TRIM24: variants seen among roughly 807,000 people sequenced by gnomAD.
TRIM24 encodes transcription intermediary factor 1-alpha.
Under a neutral mutation model 123.9 loss-of-function variants are expected in TRIM24, and 29 were observed. That is an observed-to-expected ratio of 0.23 (90% CI 0.17 to 0.32). The LOEUF is 0.32. Ranked by LOEUF, TRIM24 falls within the 10% of genes least tolerant of loss-of-function variation. TRIM24 has a pLI of 1.00. For missense variants in TRIM24, 932 were observed against 1,295.3 expected (o/e 0.72, Z 4.31); for synonymous variants, 456 against 461.1 (o/e 0.99, Z 0.14).
At chr7:138,510,084 C>T (rs1001362418) in intron 2 of TRIM24, among the ~76,000 whole-genome samples, 1 of 152,194 alleles carries the variant, frequency 6.6e-6, no homozygotes, top group African/African-American at 2.4e-5. Context: ...GGAACTGCTG[C>T]ACCTGGGATG....
At chr7:138,553,934 C>T (rs900080236) in intron 8 of TRIM24, among the ~76,000 whole-genome samples, 3 of 152,140 alleles carry the variant, frequency 2.0e-5, no homozygotes, top group Non-Finnish European at 4.4e-5. Context: ...AACTTACATA[C>T]AGGACAGTCC....
Position 138,504,310 on chromosome 7 carries a change from G to T in TRIM24, c.385G>T (p.Val129Phe). The change falls in exon 2 of 19, where the codon GTT becomes TTT. Residue 129 changes from valine to phenylalanine, a missense_variant. Val to Phe is a conservative substitution (Grantham distance 50). Transcript: ENST00000343526. Reference sequence around the variant, plus strand: ...CCCAGTTGGAGTCATTCGTTGCCCAGTTTGCAGCCAAGAATGTGCAGAGAG... The same window carrying T: ...CCCAGTTGGAGTCATTCGTTGCCCATTTTGCAGCCAAGAATGTGCAGAGAG... ...ATQVGVIRCP[V>F]CSQECAERHI... 2.5e-6 allele frequency: 4 copies of T among 1,591,624 alleles called. No homozygotes were observed. The highest frequency in any genetic ancestry group is 3.4e-6 in the Non-Finnish European group (4 of 1,172,058).
At chr7:138,516,806 C>A (rs1796405709) in intron 3 of TRIM24, among the ~76,000 whole-genome samples, 1 of 142,876 alleles carries the variant, frequency 7.0e-6, no homozygotes, top group East Asian at 2.1e-4. Flanking sequence ...TGTAGCAAAA[C>A]CGTTTTGTTT....
At chr7:138,501,146 C>T (rs1405738886) in intron 1 of TRIM24, among the ~76,000 whole-genome samples, 1 of 152,148 alleles carries the variant, frequency 6.6e-6, no homozygotes, top group Non-Finnish European at 1.5e-5. Flanking sequence ...TCACCCTAAA[C>T]ACATGAGTAA....
rs772163994 is a variant in TRIM24 at position 138,573,561 on chromosome 7, A to G, written c.1933A>G (p.Ile645Val). ...CAATATTGTGAGGAAAGATACTAAT[A>G]TAGATCATGGCCAGCCAAGACCACC... ...LDNIVRKDTN[I>V]DHGQPRPPSN... The change falls in exon 12 of 19, where the codon ATA becomes GTA. Residue 645 changes from isoleucine to valine, a missense_variant. By Grantham distance (29) the Ile-to-Val change is conservative. Around this residue, in one of 7 missense-constraint regions of TRIM24, gnomAD observed 527 missense variants for 691.3 expected, o/e 0.76. Coordinates refer to ENST00000343526, the MANE Select transcript of TRIM24 (RefSeq NM_015905.3). 9 of 1,614,020 alleles carry G rather than the reference A, an allele frequency of 5.6e-6. No homozygotes were observed. The highest frequency in any genetic ancestry group is 1.1e-5 in the South Asian group (1 of 91,060).
At position 138,529,219 on chromosome 7, in the gene TRIM24, C is replaced by A; in HGVS notation, c.985C>A (p.His329Asn). Reference protein sequence around the residue: ...EINKKGKALLHQLESLAKDHR... With the variant: ...EINKKGKALLNQLESLAKDHR... ...AAATAAAAAAGGAAAAGCTCTACTG[C>A]ATCAGTTAGAGGTAAGTGACTGCCC... The change falls in exon 6 of 19, where the codon CAT (histidine) becomes AAT (asparagine). Residue 329 changes from histidine (H) to asparagine (N), a missense_variant. Around this residue, in one of 7 missense-constraint regions of TRIM24, gnomAD observed 527 missense variants for 691.3 expected, o/e 0.76. Transcript: ENST00000343526. 1 of 1,537,444 alleles carries A rather than the reference C, an allele frequency of 6.5e-7. No homozygotes were observed. The highest frequency in any genetic ancestry group is 8.8e-7 in the Non-Finnish European group (1 of 1,138,724).
chr7:138,499,694 T>C (rs1367885735), intron 1 of TRIM24, among the ~76,000 whole-genome samples: 2 of 152,178 alleles, frequency 1.3e-5, no homozygotes, highest in Admixed American at 6.6e-5. Context: ...CAGCATGTTA[T>C]ACAGTTACAC....
At chr7:138,480,276 A>G (rs1369179017) in intron 1 of TRIM24, among the ~76,000 whole-genome samples, 1 of 152,140 alleles carries the variant, frequency 6.6e-6, no homozygotes, top group African/African-American at 2.4e-5. Context: ...CCCCACTTTT[A>G]TGTTAACAAT....
chr7:138,562,953 C>T (rs1434239863), intron 9 of TRIM24, among the ~76,000 whole-genome samples: 3 of 152,192 alleles, frequency 2.0e-5, no homozygotes, highest in Admixed American at 6.5e-5. Flanking sequence ...TTGGGAGGTA[C>T]AGGAATTCAT....
intron 9 of TRIM24, among the ~76,000 whole-genome samples, chr7:138,561,579 C>A (rs759823561): frequency 1.3e-5 from 2 of 152,130 alleles, no homozygotes; most frequent in Non-Finnish European, 2.9e-5. Flanking sequence ...GGTCAGCTTC[C>A]TGTGCTAATA....
chr7:138,563,434 G>C (rs570651848), intron 9 of TRIM24, among the ~76,000 whole-genome samples: 1 of 152,126 alleles, frequency 6.6e-6, no homozygotes, highest in African/African-American at 2.4e-5. Context: ...GTCTGTGCCC[G>C]TGTCCACATC....
At chr7:138,575,043 T>G (rs1201339392) in intron 12 of TRIM24, among the ~76,000 whole-genome samples, 1 of 152,168 alleles carries the variant, frequency 6.6e-6, no homozygotes, top group African/African-American at 2.4e-5. Flanking sequence ...AACAGATTAT[T>G]TACCTATTCA....
chr7:138,587,451 C>CTTATTAATCT lies in TRIM24; in HGVS notation c.*2500_*2501insTTATTAATCT, dbSNP rs1489391291. On this transcript the variant is annotated 3_prime_UTR_variant, in exon 19 of 19. Transcript: ENST00000343526. ...ACTTTATTAATAAGTACCTGTGTGC[C>CTTATTAATCT]CAGGTGGATCTCAGCTAAGTCATCC... 1 of 152,090 alleles carries CTTATTAATCT rather than the reference C, an allele frequency of 6.6e-6. No homozygotes were observed. The highest frequency in any genetic ancestry group is 2.1e-4 in the South Asian group (1 of 4,822). 9.4% of individuals were successfully genotyped at this position (152,090 alleles called of 1,614,324 possible). A position where few individuals can be genotyped will look rare whatever the true frequency, so the allele number is the denominator to read the frequency against.
At chr7:138,520,034 A>G (rs149976931) in intron 4 of TRIM24, among the ~76,000 whole-genome samples, 1 of 152,314 alleles carries the variant, frequency 6.6e-6, no homozygotes, top group East Asian at 1.9e-4. Context: ...AAAATACAGA[A>G]ATTGTCTATA....
chr7:138,481,672 A>G (rs942630287), intron 1 of TRIM24, among the ~76,000 whole-genome samples: 1 of 151,964 alleles, frequency 6.6e-6, no homozygotes, highest in Non-Finnish European at 1.5e-5. Context: ...CGAGCCAGGC[A>G]TGGTGGCACA....
At chr7:138,545,798 C>G (rs1797090427) in intron 7 of TRIM24, among the ~76,000 whole-genome samples, 1 of 152,082 alleles carries the variant, frequency 6.6e-6, no homozygotes, top group African/African-American at 2.4e-5. Context: ...TCAAAGGGAA[C>G]AGGATTCAGT....
intron 3 of TRIM24, among the ~76,000 whole-genome samples, chr7:138,518,881 C>T (rs1796451952): frequency 6.6e-6 from 1 of 152,154 alleles, no homozygotes; most frequent in Non-Finnish European, 1.5e-5. Context: ...ACTCATTTAC[C>T]AGGGCTGTCT....
chr7:138,568,413 GTCTC>G (rs910919263), intron 10 of TRIM24, among the ~76,000 whole-genome samples: 10 of 62,472 alleles, frequency 1.6e-4, no homozygotes, highest in Admixed American at 2.9e-4. Context: ...TTTTTTTAAA[GTCTC>G]TCTCTGTCAC....
intron 3 of TRIM24, among the ~76,000 whole-genome samples, chr7:138,518,592 GTTAT>G (rs1796445821): frequency 6.6e-6 from 1 of 152,074 alleles, no homozygotes; most frequent in African/African-American, 2.4e-5. Context: ...ACAAAAGTGG[GTTAT>G]TTGACTACTC....
Sources: allele counts gnomAD v4.1 joint callset (sites outside exome capture counted in the v4.1 genomes callset), GRCh38; gene constraint gnomAD v4.1.1; regional missense constraint gnomAD v4.1.1; transcripts MANE v1.5; gene names NCBI Gene and HGNC (gene_info 2026-07-23, HGNC 2026-07-21).